The following RNF114 variants were observed in gnomAD, a reference collection of about 807,000 sequenced individuals.
The protein encoded by RNF114 is E3 ubiquitin-protein ligase RNF114.
Under a neutral mutation model 28.4 loss-of-function variants are expected in RNF114, and 6 were observed. The observed-to-expected ratio is 0.21, with a 90% CI of 0.12 to 0.42. The LOEUF is 0.42. Ranked by LOEUF, RNF114 falls within the 10% of genes least tolerant of loss-of-function variation. RNF114 has a pLI of 1.00. For synonymous variants in RNF114, 115 were observed against 116.7 expected (o/e 0.99, Z 0.09); for missense variants, 249 against 311.7 (o/e 0.80, Z 1.51).
In RNF114 at chr20:49,952,225, C is replaced by T. The variant is rs781163734; in HGVS notation, c.*84C>T. 2 of 1,217,374 alleles carry T rather than the reference C, an allele frequency of 1.6e-6. No individual in the cohort carries two copies. Among genetic ancestry groups the T allele is most frequent in the East Asian group, 2.3e-5 (1 of 42,974 alleles). 75.4% of individuals were successfully genotyped at this position (1,217,374 alleles called of 1,614,324 possible). ...TGAAATCTATGACTCCTGTACCTTA[C>T]CTGTTCAACAGACCTGAAAATGAGC... On this transcript the variant is annotated 3_prime_UTR_variant, in exon 6 of 6. Coordinates refer to ENST00000244061, the MANE Select transcript of RNF114 (RefSeq NM_018683.4).
intron 2 of RNF114, among the ~76,000 whole-genome samples, chr20:49,943,676 T>TTTG (rs1555857434): frequency 1.9e-5 from 2 of 104,404 alleles, no homozygotes; most frequent in South Asian, 4.0e-4. Context: ...TTTTTTTTTT[T>TTTG]GAGACGGAGT....
intron 4 of RNF114, among the ~76,000 whole-genome samples, chr20:49,947,594 CT>C (rs1364987772): frequency 6.6e-6 from 1 of 151,958 alleles, no homozygotes; most frequent in Non-Finnish European, 1.5e-5. Context: ...TTAAATGTTA[CT>C]TGCACTCATA....
At chr20:49,947,231 C>A (rs1233116416) in intron 4 of RNF114, among the ~76,000 whole-genome samples, 4 of 13,382 alleles carry the variant, frequency 3.0e-4, no homozygotes, top group Non-Finnish European at 7.3e-4. Context: ...CCCCCCCCCC[C>A]CCCCCAAAAA....
At chr20:49,943,377 C>T (rs2146855851) in intron 2 of RNF114, among the ~76,000 whole-genome samples, 3 of 152,204 alleles carry the variant, frequency 2.0e-5, no homozygotes, top group Middle Eastern at 3.4e-3. Context: ...GTGGTGTATG[C>T]ATGTAGTCCC....
At chr20:49,942,467 G>C (rs980844861) in intron 2 of RNF114, among the ~76,000 whole-genome samples, 6 of 152,090 alleles carry the variant, frequency 3.9e-5, no homozygotes, top group African/African-American at 1.4e-4. Flanking sequence ...TAAAATTGCA[G>C]ACCATACAAA....
intron 4 of RNF114, among the ~76,000 whole-genome samples, chr20:49,946,763 G>A (rs1269276446): frequency 1.3e-5 from 2 of 152,144 alleles, no homozygotes; most frequent in East Asian, 3.8e-4. Flanking sequence ...TTCCCTTGGT[G>A]TCCACCAAAT....
At chr20:49,938,672 C>T (rs760684885) in intron 1 of RNF114, among the ~76,000 whole-genome samples, 41 of 152,058 alleles carry the variant, frequency 2.7e-4, no homozygotes, top group Non-Finnish European at 5.6e-4. Context: ...TAGAAAAGGG[C>T]GCATAAGTAG....
At chr20:49,943,639 C>A (rs2090315961) in intron 2 of RNF114, among the ~76,000 whole-genome samples, 1 of 142,678 alleles carries the variant, frequency 7.0e-6, no homozygotes, top group Admixed American at 7.5e-5. Flanking sequence ...AAATACAATT[C>A]CCTACTGTCT....
intron 4 of RNF114, among the ~76,000 whole-genome samples, chr20:49,947,256 C>T (rs951236069): frequency 4.7e-5 from 6 of 128,222 alleles, no homozygotes; most frequent in African/African-American, 1.8e-4. Context: ...TTTGTTCCAT[C>T]TTAGCAATGT....
chr20:49,949,899 T>C (rs1272206946), intron 5 of RNF114, among the ~76,000 whole-genome samples: 1 of 151,074 alleles, frequency 6.6e-6, no homozygotes, highest in African/African-American at 2.4e-5. Context: ...CACCTTGGCC[T>C]CCCAAAGTGT....
intron 1 of RNF114, 120 bp downstream of exon 1, chr20:49,936,672 T>A: frequency 3.2e-6 from 4 of 1,264,062 alleles, no homozygotes; most frequent in Non-Finnish European, 4.2e-6. Flanking sequence ...CTCCCGGGGG[T>A]GTCCCCCGGG....
chr20:49,936,558 C>A lies in RNF114; in HGVS notation c.140+6C>A. On this transcript the variant is annotated splice_donor_region_variant and intron_variant, in intron 1 of 5. Coordinates refer to ENST00000244061, the MANE Select transcript of RNF114 (RefSeq NM_018683.4). The stretch of plus-strand genomic sequence containing the variant: ...CAGGTGCCCTGCGGACACGTGTAAG[C>A]GGCGAGCCCGGGCCTGGTCGGGGGG... The A allele has an allele frequency of 6.3e-7, 1 of 1,581,152 alleles. No homozygotes were observed. The highest frequency in any genetic ancestry group is 8.6e-7 in the Non-Finnish European group (1 of 1,165,532).
At chr20:49,941,338 T>C in intron 1 of RNF114, 1 of 480,694 alleles carries the variant, frequency 2.1e-6, no homozygotes, top group South Asian at 3.5e-5. Context: ...CTTCACTGTG[T>C]CTATCACAGG....
intron 5 of RNF114, among the ~76,000 whole-genome samples, chr20:49,950,868 C>T (rs6095716): frequency 6.6e-6 from 1 of 152,092 alleles, no homozygotes; most frequent in African/African-American, 2.4e-5. Context: ...GCAGCATTGC[C>T]TAGCTTCTCC....
intron 4 of RNF114, among the ~76,000 whole-genome samples, chr20:49,947,908 C>T (rs953492067): frequency 9.4e-5 from 14 of 149,062 alleles, no homozygotes; most frequent in Non-Finnish European, 5.9e-5. Context: ...TCTCCTGCCT[C>T]AGCCTCCCGT....
intron 5 of RNF114, among the ~76,000 whole-genome samples, chr20:49,950,377 A>T (rs1202580541): frequency 6.6e-6 from 1 of 151,866 alleles, no homozygotes; most frequent in Non-Finnish European, 1.5e-5. Context: ...TCTGCCTGTT[A>T]TAGAACTTGG....
At position 49,953,784 on chromosome 20, in the gene RNF114, C is replaced by G. The variant is rs1324070849; in HGVS notation, c.*1643C>G. Reference sequence around the variant, plus strand: ...GAAACTTACTTCCTTGTATTAAGTGCACTTCTTGTATTTCTAATAAGATGA... The same window carrying G: ...GAAACTTACTTCCTTGTATTAAGTGGACTTCTTGTATTTCTAATAAGATGA... On this transcript the variant is annotated 3_prime_UTR_variant, in exon 6 of 6. Transcript: ENST00000244061. The G allele has an allele frequency of 1.3e-5, 2 of 152,024 alleles. No homozygotes were observed. The highest frequency in any genetic ancestry group is 4.8e-5 in the African/African-American group (2 of 41,408). 9.4% of individuals were successfully genotyped at this position (152,024 alleles called of 1,614,324 possible).
intron 5 of RNF114, among the ~76,000 whole-genome samples, chr20:49,951,061 AGTAGGT>A (rs2090353571): frequency 6.6e-6 from 1 of 152,178 alleles, no homozygotes; most frequent in Admixed American, 6.6e-5. Flanking sequence ...CCATTATAGT[AGTAGGT>A]AACTTTGGCC....
intron 5 of RNF114, among the ~76,000 whole-genome samples, chr20:49,950,817 G>A (rs558811546): frequency 1.6e-4 from 24 of 152,104 alleles, no homozygotes; most frequent in South Asian, 4.1e-4. Context: ...TGCCTGACTC[G>A]TTATGCTGCC....
Sources: gnomAD v4.1 joint callset for allele counts (sites outside exome capture counted in the v4.1 genomes callset) on GRCh38, gnomAD v4.1.1 for gene constraint, MANE v1.5 for transcripts, NCBI Gene and HGNC (gene_info 2026-07-23, HGNC 2026-07-21) for gene names.